Variants in B4GALNT4 observed in about 807,000 individuals in gnomAD.
B4GALNT4 encodes the protein beta-1,4-N-acetyl-galactosaminyltransferase 4.
A neutral mutation model predicts 110.0 loss-of-function variants in B4GALNT4; 77 were observed. That is an observed-to-expected ratio of 0.70 (90% CI 0.58 to 0.85). The LOEUF is 0.85. Among genes scored for constraint, B4GALNT4 ranks in the 40% least tolerant of loss-of-function variants. The pLI, the probability that B4GALNT4 is intolerant of heterozygous loss-of-function variation, is 0.00. For missense variants in B4GALNT4, 1,575 were observed against 1,506.0 expected (o/e 1.05, Z -0.76); for synonymous variants, 785 against 655.5 (o/e 1.20, Z -3.02).
In B4GALNT4 at chr11:379,531, TGTCCGAGTAC is replaced by T; in HGVS notation, c.2322_2331del (p.Glu775SerfsTer9). 1 of 1,588,084 alleles carries T rather than the reference TGTCCGAGTAC, an allele frequency of 6.3e-7. No homozygotes were observed. The highest frequency in any genetic ancestry group is 2.3e-5 in the East Asian group (1 of 43,946). ...GAGCGCGGGGGCGGCCGCCTGCGAC[TGTCCGAGTAC>T]GTCTTCCTGCGGCTGCCGGGAGCCC... is the stretch of plus-strand genomic sequence containing the variant. On this transcript the variant is annotated frameshift_variant, in exon 15 of 20. Transcript: ENST00000329962. LOFTEE classifies it high-confidence loss of function.
At chr11:373,555 T>C in intron 7 of B4GALNT4, 39 bp downstream of exon 7, 1 of 1,601,430 alleles carries the variant, frequency 6.2e-7, no homozygotes, top group Non-Finnish European at 8.5e-7. Flanking sequence ...CACTTGTGTA[T>C]TCGTGGGAGG....
At chr11:379,235 G>A (rs1013916731) in intron 14 of B4GALNT4, among the ~76,000 whole-genome samples, 183 bp from the exon 15 acceptor site, 2 of 152,222 alleles carry the variant, frequency 1.3e-5, no homozygotes, top group Non-Finnish European at 2.9e-5. Flanking sequence ...CCCGACCCTG[G>A]AGGGGGTGGC....
In B4GALNT4 at chr11:376,883, C is replaced by G; in HGVS notation, c.1760C>G (p.Pro587Arg). The G allele has an allele frequency of 7.4e-7, 1 of 1,349,402 alleles. No individual in the cohort carries two copies. Among genetic ancestry groups the G allele is most frequent in the Non-Finnish European group, 9.5e-7 (1 of 1,053,466 alleles). 83.6% of individuals were successfully genotyped at this position (1,349,402 alleles called of 1,614,324 possible). The change falls in exon 14 of 20, where the codon CCG becomes CGG. Residue 587 changes from proline (P) to arginine (R), a missense_variant. Coordinates refer to ENST00000329962, the MANE Select transcript of B4GALNT4 (RefSeq NM_178537.5). Reference protein sequence around the residue: ...RRTGGPQATQPRPPARAQATQ... With the variant: ...RRTGGPQATQRRPPARAQATQ... ...ACCGGCGGCCCCCAGGCCACACAGC[C>G]GAGGCCCCCAGCCCGGGCGCAGGCC...
chr11:381,654 T>C lies in B4GALNT4; in HGVS notation c.2997-15T>C, dbSNP rs764258153. The C allele has an allele frequency of 1.0e-4, 153 of 1,531,162 alleles. No individual in the cohort carries two copies. The highest frequency in any genetic ancestry group is 8.1e-4 in the Admixed American group (40 of 49,566). The allele number at this position is 1,531,162 out of a possible 1,614,324, so 94.8% of individuals were successfully genotyped here. ...AACCCCGGGGTCCTGACCACCTCTC[T>C]GCCCCCGGCCCCAGGGTCCTGCAGG... On this transcript the variant is annotated splice_polypyrimidine_tract_variant and intron_variant, in intron 19 of 19. Transcript: ENST00000329962.
Position 376,723 on chromosome 11 carries a change from C to A in B4GALNT4, c.1600C>A (p.Gln534Lys). 7.1e-7 allele frequency: 1 copy of A among 1,403,826 alleles called. No individual in the cohort carries two copies. The highest frequency in any genetic ancestry group is 9.2e-7 in the Non-Finnish European group (1 of 1,085,034). The allele number at this position is 1,403,826 out of a possible 1,614,324, so 87.0% of individuals were successfully genotyped here. A position where few individuals can be genotyped will look rare whatever the true frequency, so the allele number is the denominator to read the frequency against. ...KVYVTRVRPG[Q>K]RASPRAPAPR... ...GTACGTGACCAGGGTGCGGCCGGGA[C>A]AGCGGGCATCCCCCCGGGCCCCAGC... Residue 534 changes from glutamine (Q) to lysine (K), a missense_variant, in exon 14 of 20, where the codon CAG becomes AAG. Gln to Lys is a moderately conservative substitution (Grantham distance 53). Coordinates refer to ENST00000329962, the MANE Select transcript of B4GALNT4 (RefSeq NM_178537.5).
chr11:375,377 C>A, intron 8 of B4GALNT4, 84 bp from the exon 9 acceptor site: 1 of 1,423,216 alleles, frequency 7.0e-7, no homozygotes, highest in Non-Finnish European at 9.9e-7. Context: ...CTATTAGTCC[C>A]CCGGCCCTGA....
intron 19 of B4GALNT4, 147 bp downstream of exon 19, chr11:381,098 G>T (rs1229057957): frequency 6.9e-7 from 1 of 1,452,930 alleles, no homozygotes; most frequent in African/African-American, 1.4e-5. Flanking sequence ...CTGTAGGCCT[G>T]GAGAGACTCC....
At position 379,674 on chromosome 11, in the gene B4GALNT4, G is replaced by A; in HGVS notation, c.2461G>A (p.Asp821Asn). Residue 821 changes from aspartate (D) to asparagine (N), a missense_variant, in exon 15 of 20, where the codon GAC becomes AAC. Transcript: ENST00000329962. ...GCCACTGCGCCTGGCCTGGCGCCAG[G>A]ACGTGATGGTTCACTTCATCGTGCC... is the stretch of plus-strand genomic sequence containing the variant. ...CRPLRLAWRQ[D>N]VMVHFIVPVK... The A allele has an allele frequency of 1.3e-6, 2 of 1,503,048 alleles. No homozygotes were observed. The highest frequency in any genetic ancestry group is 1.8e-6 in the Non-Finnish European group (2 of 1,129,388). The allele number at this position is 1,503,048 out of a possible 1,614,324, so 93.1% of individuals were successfully genotyped here. A position where few individuals can be genotyped will look rare whatever the true frequency, so the allele number is the denominator to read the frequency against.
At chr11:374,373 A>G (rs578041400) in intron 8 of B4GALNT4, among the ~76,000 whole-genome samples, 2 of 151,372 alleles carry the variant, frequency 1.3e-5, no homozygotes, top group South Asian at 2.1e-4. Flanking sequence ...GGAAGGGGTT[A>G]TACAGCAAGG....
chr11:374,139 G>A (rs1488607763), intron 8 of B4GALNT4, among the ~76,000 whole-genome samples: 1 of 152,036 alleles, frequency 6.6e-6, no homozygotes, highest in African/African-American at 2.4e-5. Context: ...CCCAGCAGAG[G>A]AACCGGGTCT....
At chr11:370,166 C>G (rs1404524997) in intron 1 of B4GALNT4, among the ~76,000 whole-genome samples, 1 of 151,752 alleles carries the variant, frequency 6.6e-6, no homozygotes, top group African/African-American at 2.4e-5. Context: ...GGAGGGGGCG[C>G]GGTTCGGCTC....
Position 376,924 on chromosome 11 carries a change from G to A in B4GALNT4, c.1801G>A (p.Glu601Lys). 1 of 1,394,374 alleles carries A rather than the reference G, an allele frequency of 7.2e-7. No homozygotes were observed. Among genetic ancestry groups the A allele is most frequent in the East Asian group, 3.1e-5 (1 of 32,188 alleles). 86.4% of individuals were successfully genotyped at this position (1,394,374 alleles called of 1,614,324 possible). A position where few individuals can be genotyped will look rare whatever the true frequency, so the allele number is the denominator to read the frequency against. Reference sequence around the variant, plus strand: ...GGCGCAGGCCACCCAAGGGGGCCGGGAGGGCCAGGCGCGCACGCTGGGACC... The same window carrying A: ...GGCGCAGGCCACCCAAGGGGGCCGGAAGGGCCAGGCGCGCACGCTGGGACC... ...ARAQATQGGR[E>K]GQARTLGPAA... The change falls in exon 14 of 20, where the codon GAG becomes AAG. Residue 601 changes from glutamate to lysine, a missense_variant. Glu to Lys is a moderately conservative substitution (Grantham distance 56). Coordinates refer to ENST00000329962, the MANE Select transcript of B4GALNT4 (RefSeq NM_178537.5).
intron 19 of B4GALNT4, 42 bp from the exon 20 acceptor site, chr11:381,627 C>T: frequency 6.6e-7 from 1 of 1,522,716 alleles, no homozygotes; most frequent in Non-Finnish European, 8.8e-7. Context: ...CTCTCCGTCC[C>T]CAACCCCGGG....
chr11:380,627 C>T, intron 18 of B4GALNT4, 182 bp downstream of exon 18: 1 of 1,252,860 alleles, frequency 8.0e-7, no homozygotes. Context: ...CCAGGGGCCC[C>T]AGGAACCTCC....
In B4GALNT4 at chr11:375,708, G is replaced by A. The variant is rs369814483; in HGVS notation, c.920G>A (p.Arg307His). 102 of 1,593,932 alleles carry A rather than the reference G, an allele frequency of 6.4e-5. 4 individuals are homozygous for A. The South Asian group carries it at 9.6e-4, about 15-fold the overall frequency. Residue 307 changes from arginine to histidine, a missense_variant, in exon 10 of 20, where the codon CGT (arginine) becomes CAT (histidine). Arg to His is a conservative substitution (Grantham distance 29). Coordinates refer to ENST00000329962, the MANE Select transcript of B4GALNT4 (RefSeq NM_178537.5). Reference protein sequence around the residue: ...PQSPASHVGGRPPQEETSADM... With the variant: ...PQSPASHVGGHPPQEETSADM... ...TCTCCAGCCAGCCACGTGGGGGGGCGTCCGCCGCAGGAGGAGACCAGCGCA... is the reference window on the plus strand; with the variant it reads ...TCTCCAGCCAGCCACGTGGGGGGGCATCCGCCGCAGGAGGAGACCAGCGCA...
Position 380,453 on chromosome 11 carries a change from C to T in B4GALNT4, c.2869+8C>T, listed in dbSNP as rs2133581239. The T allele has an allele frequency of 6.3e-7, 1 of 1,582,496 alleles. No individual in the cohort carries two copies. Among genetic ancestry groups the T allele is most frequent in the East Asian group, 2.3e-5 (1 of 42,746 alleles). On this transcript the variant is annotated splice_region_variant and intron_variant, in intron 18 of 19. Transcript: ENST00000329962. ...CGCCCCGGGACCCCCACGGTGAGGC[C>T]CCGAGCGTCCCACCCTGTGATACCA... is the stretch of plus-strand genomic sequence containing the variant.
At position 375,966 on chromosome 11, in the gene B4GALNT4, G is replaced by A; in HGVS notation, c.1095+10G>A. On this transcript the variant is annotated intron_variant, in intron 11 of 19. Coordinates refer to ENST00000329962, the MANE Select transcript of B4GALNT4 (RefSeq NM_178537.5). The stretch of plus-strand genomic sequence containing the variant: ...CCAGGGCCTGCAATTTGTGAGTGCG[G>A]CTGGAGACCCCGTCTCCCGTCCGGG... 1 of 1,610,274 alleles carries A rather than the reference G, an allele frequency of 6.2e-7. No individual in the cohort carries two copies. The highest frequency in any genetic ancestry group is 2.2e-5 in the East Asian group (1 of 44,722).
chr11:374,038 G>A (rs1295555379), intron 8 of B4GALNT4, among the ~76,000 whole-genome samples: 1 of 152,138 alleles, frequency 6.6e-6, no homozygotes, highest in African/African-American at 2.4e-5. Flanking sequence ...AGAGGATGGA[G>A]ACCTTCAGTA....
chr11:376,845 C>T lies in B4GALNT4; in HGVS notation c.1722C>T (p.Pro574=). The T allele has an allele frequency of 7.5e-7, 1 of 1,328,590 alleles. No individual in the cohort carries two copies. Among genetic ancestry groups the T allele is most frequent in the South Asian group, 1.8e-5 (1 of 54,126 alleles). The allele number at this position is 1,328,590 out of a possible 1,614,324, so 82.3% of individuals were successfully genotyped here. A position where few individuals can be genotyped will look rare whatever the true frequency, so the allele number is the denominator to read the frequency against. ...QLRAPPRPPR[P]HGRRTGGPQA... The stretch of plus-strand genomic sequence containing the variant: ...GGGCGCCCCCACGCCCACCCCGGCC[C>T]CACGGCCGCAGGACCGGCGGCCCCC... The change falls in exon 14 of 20, where the codon CCC becomes CCT. Residue 574 remains proline, a synonymous_variant. Transcript: ENST00000329962.
Sources: gnomAD v4.1 joint callset for allele counts (sites outside exome capture counted in the v4.1 genomes callset) on GRCh38, gnomAD v4.1.1 for gene constraint, MANE v1.5 for transcripts, NCBI Gene and HGNC (gene_info 2026-07-23, HGNC 2026-07-21) for gene names.